SLIT2: variants seen among roughly 807,000 people sequenced by gnomAD.
The protein encoded by SLIT2 is slit homolog 2 protein.
A neutral mutation model predicts 185.7 loss-of-function variants in SLIT2; 41 were observed. The ratio of observed to expected loss-of-function variants is 0.22; its 90% CI spans 0.17 to 0.29. The LOEUF (loss-of-function observed/expected upper bound fraction) is 0.29, where lower values mean the gene tolerates loss of function less well. Ranked by LOEUF, SLIT2 falls within the 10% of genes least tolerant of loss-of-function variation. SLIT2 has a pLI of 1.00. For synonymous variants in SLIT2, 693 were observed against 680.2 expected (o/e 1.02, Z -0.29); for missense variants, 1,571 against 1,909.0 (o/e 0.82, Z 3.30).
At chr4:20,445,225 G>A (rs994117339) in intron 4 of SLIT2, among the ~76,000 whole-genome samples, 1 of 152,328 alleles carries the variant, frequency 6.6e-6, no homozygotes, top group Middle Eastern at 3.4e-3. Flanking sequence ...GTAATTGAAT[G>A]TGCTTGCAGA....
chr4:20,395,185 G>A (rs186428350), intron 4 of SLIT2, among the ~76,000 whole-genome samples: 1 of 152,122 alleles, frequency 6.6e-6, no homozygotes, highest in East Asian at 1.9e-4. Flanking sequence ...GCATTTGTGA[G>A]TGGGTGTTTT....
intron 4 of SLIT2, among the ~76,000 whole-genome samples, chr4:20,293,371 G>T (rs893476889): frequency 2.6e-5 from 4 of 152,192 alleles, no homozygotes; most frequent in Admixed American, 2.0e-4. Context: ...GGATGAAACT[G>T]TTAGGAAAAG....
intron 4 of SLIT2, among the ~76,000 whole-genome samples, chr4:20,466,729 ATGGC>A (rs766652787): frequency 2.6e-5 from 4 of 152,104 alleles, no homozygotes; most frequent in Non-Finnish European, 4.4e-5. Flanking sequence ...ATATTGGAAA[ATGGC>A]TCTGTTTTCA....
chr4:20,476,906 C>T (rs1716165789), intron 5 of SLIT2, among the ~76,000 whole-genome samples: 1 of 152,108 alleles, frequency 6.6e-6, no homozygotes, highest in African/African-American at 2.4e-5. Flanking sequence ...TTATATTTAG[C>T]AACATTGTAT....
At chr4:20,423,510 CG>C (rs1728319920) in intron 4 of SLIT2, among the ~76,000 whole-genome samples, 1 of 151,030 alleles carries the variant, frequency 6.6e-6, no homozygotes, top group Non-Finnish European at 1.5e-5. Flanking sequence ...ACAAATTTGT[CG>C]TTTAGGATTT....
rs970262503 is a variant in SLIT2, at chr4:20,548,271, A to G, written c.2346-217A>G. On this transcript the variant is annotated intron_variant, in intron 22 of 36. Coordinates refer to ENST00000504154, the MANE Select transcript of SLIT2 (RefSeq NM_004787.4). ...ACATTGGCTAAAGCAATGCATATATATATAATCACTCCTAATTTCAAAACA... is the reference window on the plus strand; with the variant it reads ...ACATTGGCTAAAGCAATGCATATATGTATAATCACTCCTAATTTCAAAACA... Among the ~76,000 whole-genome samples, 8 of 152,242 alleles carry G rather than the reference A, an allele frequency of 5.3e-5. No homozygotes were observed. The East Asian group carries it at 7.7e-4, about 15-fold the overall frequency.
At chr4:20,548,654 T>C (rs551137428) in intron 23 of SLIT2, 95 bp downstream of exon 23, 2 of 749,338 alleles carry the variant, frequency 2.7e-6, no homozygotes, top group Admixed American at 2.2e-5. Context: ...AGACAGTCTC[T>C]ACCCTCAAGG....
chr4:20,602,604 T>A (rs552737866), intron 33 of SLIT2, among the ~76,000 whole-genome samples: 3 of 152,256 alleles, frequency 2.0e-5, no homozygotes, highest in Middle Eastern at 3.4e-3. Flanking sequence ...AGTTTCTGAT[T>A]CTGAAGCTCT....
intron 4 of SLIT2, among the ~76,000 whole-genome samples, chr4:20,321,938 C>G (rs1719125831): frequency 6.6e-6 from 1 of 152,044 alleles, no homozygotes; most frequent in African/African-American, 2.4e-5. Flanking sequence ...GTTAGAAATG[C>G]AGACTCTCTG....
At chr4:20,462,843 C>T (rs1042321242) in intron 4 of SLIT2, among the ~76,000 whole-genome samples, 1 of 152,134 alleles carries the variant, frequency 6.6e-6, no homozygotes, top group Non-Finnish European at 1.5e-5. Flanking sequence ...ACAGTACACT[C>T]CTAGAAATGT....
At chr4:20,456,998 G>A (rs889303365) in intron 4 of SLIT2, among the ~76,000 whole-genome samples, 2 of 152,022 alleles carry the variant, frequency 1.3e-5, no homozygotes, top group African/African-American at 4.8e-5. Flanking sequence ...CAAAGAGCAA[G>A]TCATCATTGT....
At chr4:20,502,069 ATGT>A (rs1367571767) in intron 9 of SLIT2, among the ~76,000 whole-genome samples, 1 of 152,200 alleles carries the variant, frequency 6.6e-6, no homozygotes, top group Non-Finnish European at 1.5e-5. Context: ...ACACACACAA[ATGT>A]TGTACATGTG....
intron 30 of SLIT2, among the ~76,000 whole-genome samples, chr4:20,592,587 A>G (rs974306692): frequency 2.0e-5 from 3 of 152,198 alleles, no homozygotes; most frequent in African/African-American, 7.2e-5. Flanking sequence ...AATATAAAAT[A>G]GCTCTTAGAC....
chr4:20,353,952 A>G (rs1722092583), intron 4 of SLIT2, among the ~76,000 whole-genome samples: 1 of 152,182 alleles, frequency 6.6e-6, no homozygotes, highest in Admixed American at 6.5e-5. Flanking sequence ...GATCTGCATA[A>G]TAAAGTATAC....
At chr4:20,352,947 A>C (rs115378802) in intron 4 of SLIT2, among the ~76,000 whole-genome samples, 151 of 152,322 alleles carry the variant, frequency 9.9e-4, no homozygotes, top group African/African-American at 3.6e-3. Context: ...TTAGTGAACA[A>C]ATTTGCAGTA....
rs1356684631 is a variant in SLIT2, at chr4:20,549,065, G to T, written c.2426G>T (p.Ser809Ile). 2 of 1,593,728 alleles carry T rather than the reference G, an allele frequency of 1.3e-6. No homozygotes were observed. Among genetic ancestry groups the T allele is most frequent in the Non-Finnish European group, 8.6e-7 (1 of 1,162,048 alleles). Reference protein sequence around the residue: ...NMTQLLTLILSYNRLRCIPPR... With the variant: ...NMTQLLTLILIYNRLRCIPPR... The stretch of plus-strand genomic sequence containing the variant: ...CATATGTATGCTTTCAGAATTCTTA[G>T]TTACAACCGTCTGAGATGTATTCCT... Residue 809 changes from serine to isoleucine, a missense_variant, in exon 24 of 37, where the codon AGT becomes ATT. Ser to Ile is a moderately radical substitution (Grantham distance 142, BLOSUM62 -2). Around this residue, in one of 3 missense-constraint regions of SLIT2, gnomAD observed 1,202 missense variants for 1,416.4 expected, o/e 0.85. Transcript: ENST00000504154.
At chr4:20,375,796 A>G (rs1350659859) in intron 4 of SLIT2, among the ~76,000 whole-genome samples, 3 of 152,100 alleles carry the variant, frequency 2.0e-5, no homozygotes, top group African/African-American at 7.2e-5. Context: ...TCTGAAGGAA[A>G]AAAAAAGGGA....
At chr4:20,594,178 T>C (rs978768708) in intron 30 of SLIT2, among the ~76,000 whole-genome samples, 3 of 149,992 alleles carry the variant, frequency 2.0e-5, no homozygotes, top group African/African-American at 7.3e-5. Flanking sequence ...TATATGTATG[T>C]ACATGTGTGT....
chr4:20,279,850 T>C (rs1482771492), intron 4 of SLIT2, among the ~76,000 whole-genome samples: 1 of 152,206 alleles, frequency 6.6e-6, no homozygotes, highest in Non-Finnish European at 1.5e-5. Context: ...AACCTGTGTA[T>C]TAACTTTGCC....
Sources: allele counts gnomAD v4.1 joint callset (sites outside exome capture counted in the v4.1 genomes callset), GRCh38; gene constraint gnomAD v4.1.1; regional missense constraint gnomAD v4.1.1; transcripts MANE v1.5; gene names NCBI Gene and HGNC (gene_info 2026-07-23, HGNC 2026-07-21).